Variants in AGBL1 observed in about 807,000 individuals in gnomAD.
The protein encoded by AGBL1 is cytosolic carboxypeptidase 4.
Under a neutral mutation model 118.9 loss-of-function variants are expected in AGBL1, and 130 were observed. The observed-to-expected ratio is 1.09, with a 90% CI of 0.95 to 1.26. The LOEUF is 1.26. Ranked by LOEUF, AGBL1 falls within the 50% of genes most tolerant of loss-of-function variation. The probability of loss-of-function intolerance (pLI) is 0.00; values close to 1 mark genes in which losing one functional copy is unlikely to be tolerated. For synonymous variants in AGBL1, 555 were observed against 478.9 expected (o/e 1.16, Z -2.08); for missense variants, 1,584 against 1,298.1 (o/e 1.22, Z -3.38).
At chr15:86,522,371 G>T (rs1402016878) in intron 18 of AGBL1, among the ~76,000 whole-genome samples, 1 of 152,160 alleles carries the variant, frequency 6.6e-6, no homozygotes, top group African/African-American at 2.4e-5. Flanking sequence ...CTTCATTGGG[G>T]TGTTCTAATG....
chr15:86,620,347 T>C (rs2084786193), intron 21 of AGBL1, among the ~76,000 whole-genome samples: 1 of 152,204 alleles, frequency 6.6e-6, no homozygotes, highest in Non-Finnish European at 1.5e-5. Flanking sequence ...GAAAGGTCAT[T>C]TGAAATTTGA....
chr15:86,376,486 A>T (rs976182329), intron 17 of AGBL1, among the ~76,000 whole-genome samples: 7 of 152,218 alleles, frequency 4.6e-5, no homozygotes, highest in Admixed American at 4.6e-4. Flanking sequence ...AAATGCAGAG[A>T]TTCTGCTCCT....
chr15:86,533,505 CT>C (rs1333851990), intron 19 of AGBL1, among the ~76,000 whole-genome samples: 1 of 99,854 alleles, frequency 1.0e-5, no homozygotes, highest in Non-Finnish European at 1.9e-5. Context: ...CACTTTTACA[CT>C]GTTGGTGGGA....
At chr15:86,577,561 G>T (rs1356951196) in intron 21 of AGBL1, among the ~76,000 whole-genome samples, 2 of 152,146 alleles carry the variant, frequency 1.3e-5, no homozygotes, top group Non-Finnish European at 2.9e-5. Context: ...AAGACAATGG[G>T]GAAAATGTCT....
chr15:86,183,334 G>A (rs1227161955), intron 5 of AGBL1, among the ~76,000 whole-genome samples: 1 of 152,102 alleles, frequency 6.6e-6, no homozygotes. Flanking sequence ...ATCTTTAAAT[G>A]CCTTATGCAA....
chr15:86,312,803 G>T (rs192900774), intron 17 of AGBL1, among the ~76,000 whole-genome samples: 16 of 152,250 alleles, frequency 1.1e-4, no homozygotes, highest in Admixed American at 1.3e-4. Context: ...AGACCAGCAG[G>T]GCTCTCTGTA....
chr15:86,534,112 TAAAAA>T (rs61563504), intron 19 of AGBL1, among the ~76,000 whole-genome samples: 1 of 96,520 alleles, frequency 1.0e-5, no homozygotes, highest in Non-Finnish European at 2.1e-5. Flanking sequence ...TAAAGTATAA[TAAAAA>T]AAAAAAAAAA....
intron 23 of AGBL1, among the ~76,000 whole-genome samples, chr15:86,930,438 TG>T (rs2141634354): frequency 6.6e-6 from 1 of 152,164 alleles, no homozygotes; most frequent in Non-Finnish European, 1.5e-5. Context: ...TCCATTCTGT[TG>T]GGGGCACTGC....
rs546015339 is a variant in AGBL1, at chr15:86,626,951, C to T, written c.2995-47322C>T. On this transcript the variant is annotated intron_variant, in intron 21 of 22. Transcript: ENST00000614907. The stretch of plus-strand genomic sequence containing the variant: ...CTCCCAGGTTCAAGCAATTCTCCTG[C>T]CTCAGCCTCCAGTGTAGCTGGGACT... Among the ~76,000 whole-genome samples, 54 of 151,560 alleles carry T rather than the reference C, an allele frequency of 3.6e-4. No individual in the cohort carries two copies. The East Asian group carries it at 9.0e-3, about 25-fold the overall frequency.
At chr15:86,705,422 G>A (rs1194674421) in intron 22 of AGBL1, among the ~76,000 whole-genome samples, 1 of 152,138 alleles carries the variant, frequency 6.6e-6, no homozygotes, top group Non-Finnish European at 1.5e-5. Flanking sequence ...ACTTGGACAA[G>A]CATAACAAAT....
chr15:86,845,459 C>T (rs1160076538), intron 22 of AGBL1, among the ~76,000 whole-genome samples: 1 of 152,106 alleles, frequency 6.6e-6, no homozygotes, highest in East Asian at 1.9e-4. Context: ...CTCACTTAGT[C>T]ATGATGTACA....
At chr15:86,699,866 T>C (rs542795263) in intron 22 of AGBL1, among the ~76,000 whole-genome samples, 2 of 152,202 alleles carry the variant, frequency 1.3e-5, no homozygotes, top group Middle Eastern at 3.4e-3. Flanking sequence ...TGAGACTATA[T>C]AAATGTTCTA....
Position 86,330,154 on chromosome 15 carries a change from G to A in AGBL1, c.2374+34746G>A, listed in dbSNP as rs140141980. Among the ~76,000 whole-genome samples, 310 of 152,320 alleles carry A rather than the reference G, an allele frequency of 2.0e-3. 1 individual carries two copies. Among genetic ancestry groups the A allele is most frequent in the African/African-American group, 5.1e-3 (213 of 41,578 alleles). On this transcript the variant is annotated intron_variant, in intron 17 of 22. Transcript: ENST00000614907. ...TGCCTCCCTGGGAGCTGAGCAGGGA[G>A]TTCAGACCACTGTGTACTCCACAAG...
intron 21 of AGBL1, among the ~76,000 whole-genome samples, chr15:86,636,740 TA>T (rs2085098464): frequency 1.9e-5 from 1 of 52,700 alleles, no homozygotes; most frequent in Non-Finnish European, 3.2e-5. Flanking sequence ...TATATATATA[TA>T]TATATATATA....
intron 17 of AGBL1, chr15:86,296,415 T>A (rs2079642610): frequency 6.7e-6 from 1 of 148,896 alleles, no homozygotes; most frequent in Non-Finnish European, 1.5e-5. Flanking sequence ...CAGCCTTCCC[T>A]GATGAAGACA....
chr15:86,868,183 G>GA (rs373736436), intron 22 of AGBL1, among the ~76,000 whole-genome samples: 194 of 152,258 alleles, frequency 1.3e-3, no homozygotes, highest in Non-Finnish European at 2.4e-3. Flanking sequence ...AAAAAAACAT[G>GA]AAAAAATAGG....
At chr15:86,784,962 C>T (rs985958383) in intron 22 of AGBL1, among the ~76,000 whole-genome samples, 2 of 152,058 alleles carry the variant, frequency 1.3e-5, no homozygotes, top group African/African-American at 4.8e-5. Context: ...TTCGTATTTT[C>T]TCAAGTGCCT....
Position 86,361,523 on chromosome 15 carries a change from A to G in AGBL1, c.2375-35843A>G, listed in dbSNP as rs77681318. ...TACTGATATTCTGTTTAGAAGATATATCCCTTATAGAGAATGGAGTATTGA... is the reference window on the plus strand; with the variant it reads ...TACTGATATTCTGTTTAGAAGATATGTCCCTTATAGAGAATGGAGTATTGA... On this transcript the variant is annotated intron_variant, in intron 17 of 22. Coordinates refer to ENST00000614907, the MANE Select transcript of AGBL1 (RefSeq NM_001386094.1). Among the ~76,000 whole-genome samples the G allele has an allele frequency of 8.9e-3, 1,362 of 152,220 alleles. 27 individuals carry two copies. The highest frequency in any genetic ancestry group is 0.031 in the African/African-American group (1,297 of 41,562).
At chr15:86,558,980 G>A (rs1019404120) in intron 21 of AGBL1, among the ~76,000 whole-genome samples, 1 of 152,152 alleles carries the variant, frequency 6.6e-6, no homozygotes, top group African/African-American at 2.4e-5. Context: ...GCAGTGTTAT[G>A]TTCTCTCTAA....
Sources: gnomAD v4.1 joint callset for allele counts (sites outside exome capture counted in the v4.1 genomes callset) on GRCh38, gnomAD v4.1.1 for gene constraint, MANE v1.5 for transcripts, NCBI Gene and HGNC (gene_info 2026-07-23, HGNC 2026-07-21) for gene names.